DUSP16: variants seen among roughly 807,000 people sequenced by gnomAD.
DUSP16 encodes dual specificity protein phosphatase 16.
A neutral mutation model predicts 58.3 loss-of-function variants in DUSP16; 21 were observed. That is an observed-to-expected ratio of 0.36 (90% CI 0.26 to 0.52). DUSP16 has a LOEUF of 0.52. Among genes scored for constraint, DUSP16 ranks in the 20% least tolerant of loss-of-function variants. The pLI is 0.94. For missense variants in DUSP16, 726 were observed against 819.0 expected (o/e 0.89, Z 1.39); for synonymous variants, 320 against 323.8 (o/e 0.99, Z 0.12).
intron 1 of DUSP16, among the ~76,000 whole-genome samples, chr12:12,532,137 C>G (rs1944398145): frequency 6.6e-6 from 1 of 151,888 alleles, no homozygotes; most frequent in African/African-American, 2.4e-5. Context: ...CGCAGTCCGG[C>G]CTGGGCGACA....
At chr12:12,528,846 G>C (rs1167729531) in intron 1 of DUSP16, among the ~76,000 whole-genome samples, 1 of 145,540 alleles carries the variant, frequency 6.9e-6, no homozygotes, top group Admixed American at 6.8e-5. Context: ...TAGAGCAAGA[G>C]CAAAGGGTGT....
intron 1 of DUSP16, among the ~76,000 whole-genome samples, chr12:12,556,865 G>A (rs1944813515): frequency 6.6e-6 from 1 of 152,142 alleles, no homozygotes. Context: ...AGTTGAACAG[G>A]TGTCATCCCT....
intron 1 of DUSP16, among the ~76,000 whole-genome samples, chr12:12,535,467 G>A (rs561944929): frequency 1.3e-5 from 2 of 152,056 alleles, no homozygotes; most frequent in East Asian, 3.9e-4. Flanking sequence ...TTTTTACACA[G>A]TACTATACTT....
In DUSP16 at chr12:12,477,728, G is replaced by A. The variant is rs757949409; in HGVS notation, c.1103C>T (p.Pro368Leu). Residue 368 changes from proline to leucine, a missense_variant, in exon 7 of 7, where the codon CCG becomes CTG. Coordinates refer to ENST00000298573, the MANE Select transcript of DUSP16 (RefSeq NM_030640.3). This position sits in a 1 kb window ranked among gnomAD's most constrained non-coding sequence, Gnocchi z 4.1. ...ASVPSVPSVQ[P>L]SLLEDSPLVQ... ...CAGCGGGCTGTCCTCTAACAGCGAC[G>A]GCTGCACGCTGGGCACGCTGGGCAC... 1.9e-5 allele frequency: 31 copies of A among 1,609,962 alleles called. No homozygotes were observed. The highest frequency in any genetic ancestry group is 2.4e-5 in the Non-Finnish European group (28 of 1,179,522).
At chr12:12,557,424 T>C (rs1313567828) in intron 1 of DUSP16, among the ~76,000 whole-genome samples, 1 of 139,984 alleles carries the variant, frequency 7.1e-6, no homozygotes, top group African/African-American at 2.7e-5. Flanking sequence ...GCCACTGCAC[T>C]CCAGCCTGGC....
At chr12:12,515,222 G>C (rs1944130697) in intron 3 of DUSP16, among the ~76,000 whole-genome samples, 2 of 151,154 alleles carry the variant, frequency 1.3e-5, no homozygotes, top group South Asian at 4.2e-4. Context: ...AATTTTTTTA[G>C]CCAAATAGGA....
rs570799281 is a variant in DUSP16, at chr12:12,505,186, A to T, written c.368-4504T>A. Among the ~76,000 whole-genome samples the T allele has an allele frequency of 3.3e-5, 5 of 152,346 alleles. No homozygotes were observed. In the South Asian group the frequency reaches 6.2e-4, roughly 19 times the overall value. On this transcript the variant is annotated intron_variant, in intron 3 of 6. Transcript: ENST00000298573. ...CAGAATCACGTAATATAATAACCGG[A>T]AGAGCCAGGTTATAAGTCTACTTTT...
chr12:12,540,405 T>C (rs1402699747), intron 1 of DUSP16, among the ~76,000 whole-genome samples: 2 of 152,184 alleles, frequency 1.3e-5, no homozygotes, highest in African/African-American at 4.8e-5. Flanking sequence ...TCGTAACATA[T>C]TAACATCCAA....
intron 5 of DUSP16, among the ~76,000 whole-genome samples, chr12:12,480,812 G>A (rs975877728): frequency 2.0e-5 from 3 of 152,114 alleles, no homozygotes; most frequent in Non-Finnish European, 4.4e-5. Context: ...TCCGCCTCCC[G>A]GATTCAAGTG....
At chr12:12,484,811 G>A (rs781763588) in intron 5 of DUSP16, among the ~76,000 whole-genome samples, 3 of 151,818 alleles carry the variant, frequency 2.0e-5, no homozygotes, top group Non-Finnish European at 2.9e-5. Flanking sequence ...TAGTAGAGAC[G>A]TGTTGGCCAG....
intron 6 of DUSP16, among the ~76,000 whole-genome samples, chr12:12,479,355 A>G (rs1053420688): frequency 6.6e-6 from 1 of 152,232 alleles, no homozygotes; most frequent in Non-Finnish European, 1.5e-5. Context: ...AATAACAAGT[A>G]TAAATGTAGG....
chr12:12,541,631 T>G (rs1944561859), intron 1 of DUSP16, among the ~76,000 whole-genome samples: 2 of 152,172 alleles, frequency 1.3e-5, no homozygotes, highest in Non-Finnish European at 2.9e-5. Flanking sequence ...CACTTCAGAG[T>G]GACAAACTAC....
Position 12,477,349 on chromosome 12 carries a change from G to A in DUSP16, c.1482C>T (p.Thr494=), listed in dbSNP as rs138317319. 59 of 1,614,064 alleles carry A rather than the reference G, an allele frequency of 3.7e-5. No homozygotes were observed. In the Admixed American group the frequency reaches 5.2e-4, roughly 14 times the overall value. The change falls in exon 7 of 7, where the codon ACC becomes ACT. Residue 494 remains threonine (T), a synonymous_variant. Coordinates refer to ENST00000298573, the MANE Select transcript of DUSP16 (RefSeq NM_030640.3). This position sits in a 1 kb window ranked among gnomAD's most constrained non-coding sequence, Gnocchi z 4.1. Reference sequence around the variant, plus strand: ...GTGGAGATAAAAGGGACCTCTGGGCGGTGCCACTGCTGCTGGTTCTGACCG... The same window carrying A: ...GTGGAGATAAAAGGGACCTCTGGGCAGTGCCACTGCTGCTGGTTCTGACCG... ...LHSVRTSSSG[T]AQRSLLSPLH...
At chr12:12,508,470 A>G (rs1412436999) in intron 3 of DUSP16, among the ~76,000 whole-genome samples, 2 of 152,254 alleles carry the variant, frequency 1.3e-5, no homozygotes, top group African/African-American at 4.8e-5. Flanking sequence ...GGTAGAGAGC[A>G]TAGCATTTTT....
chr12:12,517,031 A>G (rs1383405471), intron 3 of DUSP16, among the ~76,000 whole-genome samples: 2 of 152,318 alleles, frequency 1.3e-5, no homozygotes, highest in East Asian at 1.9e-4. Flanking sequence ...TCTTGTTTGA[A>G]GGAAAAGAGC....
Position 12,477,061 on chromosome 12 carries a change from G to C in DUSP16, c.1770C>G (p.Cys590Trp), listed in dbSNP as rs145763524. 4 of 1,614,250 alleles carry C rather than the reference G, an allele frequency of 2.5e-6. No homozygotes were observed. The highest frequency in any genetic ancestry group is 2.7e-5 in the African/African-American group (2 of 75,072). Reference protein sequence around the residue: ...SAYSCSQLPTCGDQVYSVRRR... With the variant: ...SAYSCSQLPTWGDQVYSVRRR... ...TGCGCACAGAATAGACTTGGTCTCCGCAAGTGGGCAGCTGGCTGCAGCTGT... is the reference window on the plus strand; with the variant it reads ...TGCGCACAGAATAGACTTGGTCTCCCCAAGTGGGCAGCTGGCTGCAGCTGT... Residue 590 changes from cysteine (C) to tryptophan (W), a missense_variant, in exon 7 of 7, where the codon TGC becomes TGG. By Grantham distance (215) the Cys-to-Trp change is radical (BLOSUM62 -2). Coordinates refer to ENST00000298573, the MANE Select transcript of DUSP16 (RefSeq NM_030640.3). This position sits in a 1 kb window ranked among gnomAD's most constrained non-coding sequence, Gnocchi z 4.1.
chr12:12,518,512 C>CAAAAAAAAAAA (rs879763438), intron 3 of DUSP16, among the ~76,000 whole-genome samples: 1 of 120,450 alleles, frequency 8.3e-6, no homozygotes, highest in African/African-American at 3.1e-5. Flanking sequence ...AATTCTGTCT[C>CAAAAAAAAAAA]AAAAAAAAAA....
In DUSP16 at chr12:12,500,273, T is replaced by C. The variant is rs186726618; in HGVS notation, c.531+246A>G. On this transcript the variant is annotated intron_variant, in intron 4 of 6. Transcript: ENST00000298573. ...TAAACTTCTGAAAAATCCTGTCCTA[T>C]TTCAGTTCTCTTGGACCTATTAAGA... 1.5e-3 allele frequency among the ~76,000 whole-genome samples: 232 copies of C among 152,342 alleles called. 2 individuals are homozygous for C. The highest frequency in any genetic ancestry group is 0.014 in the Admixed American group (215 of 15,306).
In DUSP16 at chr12:12,555,444, C is replaced by G. The variant is rs375722381; in HGVS notation, c.-366+6673G>C. Among the ~76,000 whole-genome samples, 51 of 152,346 alleles carry G rather than the reference C, an allele frequency of 3.3e-4. 1 individual carries two copies. The South Asian group carries it at 0.01, about 30-fold the overall frequency. On this transcript the variant is annotated intron_variant, in intron 1 of 6. Transcript: ENST00000298573. ...GACAAACATTTGTCAAAAGCCTACTCTACTATCCTGGGATATAAACTGTGT... is the reference window on the plus strand; with the variant it reads ...GACAAACATTTGTCAAAAGCCTACTGTACTATCCTGGGATATAAACTGTGT...
Sources: gnomAD v4.1 joint callset for allele counts (sites outside exome capture counted in the v4.1 genomes callset) on GRCh38, gnomAD v4.1.1 for gene constraint, Gnocchi (gnomAD v3.1) non-coding constraint, MANE v1.5 for transcripts, NCBI Gene and HGNC (gene_info 2026-07-23, HGNC 2026-07-21) for gene names.